GPC6: variants seen among roughly 807,000 people sequenced by gnomAD.
GPC6 encodes the protein glypican 6, also known as glypican-6.
GPC6 carries 14 observed loss-of-function variants against 55.2 expected under a neutral mutation model. The ratio of observed to expected loss-of-function variants is 0.25; its 90% CI spans 0.17 to 0.40. GPC6 has a LOEUF of 0.40. Among genes scored for constraint, GPC6 ranks in the 10% least tolerant of loss-of-function variants. The probability of loss-of-function intolerance (pLI) is 1.00; values close to 1 mark genes in which losing one functional copy is unlikely to be tolerated. For synonymous variants in GPC6, 278 were observed against 259.6 expected, an observed-to-expected ratio of 1.07 and a Z score of -0.68; for missense variants, 641 against 708.5, an observed-to-expected ratio of 0.90 and a Z score of 1.08.
At chr13:93,943,053 G>A (rs555831772) in intron 3 of GPC6, among the ~76,000 whole-genome samples, 2 of 152,140 alleles carry the variant, frequency 1.3e-5, no homozygotes, top group South Asian at 2.1e-4. Context: ...ATAAGGCTCT[G>A]CTGCAGGCTT....
intron 1 of GPC6, among the ~76,000 whole-genome samples, chr13:93,276,101 C>T (rs910034873): frequency 1.1e-4 from 16 of 152,126 alleles, no homozygotes; most frequent in Admixed American, 4.6e-4. Context: ...GTTTCGATCT[C>T]CTGACCTCGT....
At chr13:93,567,305 G>A (rs9561396) in intron 2 of GPC6, among the ~76,000 whole-genome samples, 7,991 of 152,236 alleles carry the variant, frequency 0.052, 465 homozygotes, top group East Asian at 0.32. Flanking sequence ...GTTCTTAGCA[G>A]AGCTGATGGA....
chr13:94,258,459 T>C (rs1358744958), intron 4 of GPC6, among the ~76,000 whole-genome samples: 1 of 152,220 alleles, frequency 6.6e-6, no homozygotes, highest in Non-Finnish European at 1.5e-5. Flanking sequence ...AAAAGAAGAC[T>C]CTGGGTTTTG....
intron 4 of GPC6, among the ~76,000 whole-genome samples, chr13:94,070,954 A>C (rs540409960): frequency 6.6e-6 from 1 of 152,374 alleles, no homozygotes; most frequent in South Asian, 2.1e-4. Flanking sequence ...TAATTGATCC[A>C]GTAGAATAAT....
intron 1 of GPC6, among the ~76,000 whole-genome samples, chr13:93,324,028 T>C (rs1266706444): frequency 6.6e-6 from 1 of 152,080 alleles, no homozygotes; most frequent in Non-Finnish European, 1.5e-5. Flanking sequence ...ATAGCCAAGA[T>C]TTGGAAGCAA....
At position 94,327,253 on chromosome 13, in the gene GPC6, C is replaced by T. The variant is rs532123303; in HGVS notation, c.1152+21130C>T. 2.6e-5 allele frequency among the ~76,000 whole-genome samples: 4 copies of T among 152,234 alleles called. No individual in the cohort carries two copies. In the East Asian group the frequency reaches 5.8e-4, roughly 22 times the overall value. On this transcript the variant is annotated intron_variant, in intron 6 of 8. Coordinates refer to ENST00000377047, the MANE Select transcript of GPC6 (RefSeq NM_005708.5). ...GTGTGTTTGTAAAAGTGCTTTTCCC[C>T]CTCTGTGTCAGCAAACTGCATGGCG...
chr13:93,554,154 A>AT (rs1875325365), intron 2 of GPC6, among the ~76,000 whole-genome samples: 1 of 151,740 alleles, frequency 6.6e-6, no homozygotes, highest in Non-Finnish European at 1.5e-5. Context: ...TCAAAAAAAA[A>AT]AAAAGAGAGA....
At chr13:93,799,790 A>C (rs1343267329) in intron 2 of GPC6, among the ~76,000 whole-genome samples, 1 of 152,180 alleles carries the variant, frequency 6.6e-6, no homozygotes, top group South Asian at 2.1e-4. Context: ...CCTTATCAAA[A>C]GCTCTTCACA....
At chr13:93,613,224 A>T (rs1227644664) in intron 2 of GPC6, among the ~76,000 whole-genome samples, 1 of 152,204 alleles carries the variant, frequency 6.6e-6, no homozygotes, top group East Asian at 1.9e-4. Flanking sequence ...TGGCTCAAGC[A>T]CTGCAAACAT....
At chr13:93,368,890 G>C (rs549818737) in intron 1 of GPC6, among the ~76,000 whole-genome samples, 2 of 152,072 alleles carry the variant, frequency 1.3e-5, no homozygotes, top group Non-Finnish European at 2.9e-5. Flanking sequence ...CTGTTTCCCA[G>C]TTCCCCAGTG....
chr13:93,243,691 C>T (rs1476621016), intron 1 of GPC6, among the ~76,000 whole-genome samples: 20 of 152,148 alleles, frequency 1.3e-4, no homozygotes, highest in Admixed American at 1.3e-3. Context: ...CCAGCTGTAG[C>T]ATCAATGTAC....
Position 94,403,153 on chromosome 13 carries a change from G to A in GPC6, c.1604G>A (p.Gly535Asp). 6.2e-7 allele frequency: 1 copy of A among 1,613,996 alleles called. No homozygotes were observed. The highest frequency in any genetic ancestry group is 8.5e-7 in the Non-Finnish European group (1 of 1,179,858). The change falls in exon 9 of 9, where the codon GGC becomes GAC. Residue 535 changes from glycine to aspartate, a missense_variant. Physicochemically the swap from Gly to Asp is moderately conservative, Grantham distance 94. Coordinates refer to ENST00000377047, the MANE Select transcript of GPC6 (RefSeq NM_005708.5). ...REVDSSAAQR[G>D]HSLLSWSLTC... ...GTGGACTCTTCTGCAGCCCAGCGTG[G>A]CCACTCCCTGCTCTCCTGGTCTCTC...
chr13:93,287,123 A>C (rs1878155780), intron 1 of GPC6, among the ~76,000 whole-genome samples: 1 of 152,184 alleles, frequency 6.6e-6, no homozygotes, highest in Admixed American at 6.5e-5. Flanking sequence ...ATATCTCATT[A>C]TGTATATGCA....
At chr13:94,130,430 T>C (rs968583639) in intron 4 of GPC6, among the ~76,000 whole-genome samples, 2 of 152,116 alleles carry the variant, frequency 1.3e-5, no homozygotes, top group Admixed American at 1.3e-4. Context: ...TAAGTAAGTG[T>C]TAATACCATA....
chr13:93,563,255 C>G (rs1325598124), intron 2 of GPC6, among the ~76,000 whole-genome samples: 3 of 151,894 alleles, frequency 2.0e-5, no homozygotes, highest in Admixed American at 1.3e-4. Context: ...CAAGATAGAC[C>G]TAGTTATAGA....
intron 4 of GPC6, among the ~76,000 whole-genome samples, chr13:94,224,648 A>T (rs932866175): frequency 6.6e-6 from 1 of 152,226 alleles, no homozygotes; most frequent in Non-Finnish European, 1.5e-5. Flanking sequence ...GAGCAGAAAC[A>T]TTGTCCTGGT....
chr13:93,931,765 G>GA (rs545578327), intron 3 of GPC6, among the ~76,000 whole-genome samples: 4,307 of 49,456 alleles, frequency 0.087, 186 homozygotes, highest in Non-Finnish European at 0.1. Flanking sequence ...CTCTGTCTCA[G>GA]AAAAAAAAAA....
chr13:93,757,313 C>G (rs1884805651), intron 2 of GPC6, among the ~76,000 whole-genome samples: 2 of 152,082 alleles, frequency 1.3e-5, no homozygotes, highest in Non-Finnish European at 2.9e-5. Flanking sequence ...TTGCACAGGC[C>G]CAGCACAGTC....
intron 4 of GPC6, among the ~76,000 whole-genome samples, chr13:94,052,477 G>C (rs1883986876): frequency 6.6e-6 from 1 of 152,108 alleles, no homozygotes; most frequent in Non-Finnish European, 1.5e-5. Flanking sequence ...CTGTGGAGTT[G>C]ATATATTTAT....
Sources: allele counts gnomAD v4.1 joint callset (sites outside exome capture counted in the v4.1 genomes callset), GRCh38; gene constraint gnomAD v4.1.1; transcripts MANE v1.5; gene names NCBI Gene and HGNC (gene_info 2026-07-23, HGNC 2026-07-21).